The following FAM114A2 variants were observed in gnomAD, a reference collection of about 807,000 sequenced individuals.
The protein encoded by FAM114A2 is protein FAM114A2.
A neutral mutation model predicts 58.4 loss-of-function variants in FAM114A2; 53 were observed. The ratio of observed to expected loss-of-function variants is 0.91; its 90% confidence interval spans 0.73 to 1.14. FAM114A2 has a LOEUF of 1.14. FAM114A2 is among the 50% of genes most tolerant of loss of function. The pLI is 0.00. For missense variants in FAM114A2, 601 were observed against 581.1 expected (o/e 1.03, Z -0.35); for synonymous variants, 228 against 211.4 (o/e 1.08, Z -0.68).
intron 11 of FAM114A2, 97 bp downstream of exon 11, chr5:154,002,154 G>T: frequency 8.6e-7 from 1 of 1,163,642 alleles, no homozygotes; most frequent in Non-Finnish European, 1.3e-6. Context: ...GGTGTGACGT[G>T]AATGGTTTCT....
chr5:154,019,809 C>A (rs940785737), intron 8 of FAM114A2, among the ~76,000 whole-genome samples: 1 of 152,120 alleles, frequency 6.6e-6, no homozygotes, highest in Non-Finnish European at 1.5e-5. Flanking sequence ...ACAAATGGTG[C>A]TGGGATAATT....
intron 8 of FAM114A2, among the ~76,000 whole-genome samples, chr5:154,013,693 TACAA>T (rs1349046219): frequency 6.6e-6 from 1 of 152,234 alleles, no homozygotes; most frequent in East Asian, 1.9e-4. Context: ...TTAATGGCAC[TACAA>T]ACAAATAAGT....
chr5:154,015,161 G>A (rs1770955650), intron 8 of FAM114A2, among the ~76,000 whole-genome samples: 1 of 152,084 alleles, frequency 6.6e-6, no homozygotes, highest in Admixed American at 6.6e-5. Flanking sequence ...GAGAGTCTGA[G>A]CTCAGACACA....
chr5:154,026,109 A>T (rs1459896301), intron 8 of FAM114A2, among the ~76,000 whole-genome samples: 1 of 152,204 alleles, frequency 6.6e-6, no homozygotes, highest in East Asian at 1.9e-4. Context: ...ACAGCTTTCT[A>T]ACTGCAAAAA....
chr5:154,027,380 C>G, intron 6 of FAM114A2, 46 bp from the exon 7 acceptor site: 1 of 1,534,968 alleles, frequency 6.5e-7, no homozygotes. Context: ...AATGAGAGCT[C>G]AAGGGTGAGT....
chr5:154,000,372 T>G (rs1025922168), intron 11 of FAM114A2, among the ~76,000 whole-genome samples: 4 of 152,172 alleles, frequency 2.6e-5, no homozygotes, highest in Non-Finnish European at 5.9e-5. Flanking sequence ...TACCAACATA[T>G]AGACATAATA....
intron 9 of FAM114A2, among the ~76,000 whole-genome samples, chr5:154,010,807 T>C (rs562817571): frequency 5.3e-5 from 8 of 152,290 alleles, no homozygotes; most frequent in African/African-American, 1.9e-4. Context: ...CAAATAGTCA[T>C]TATCTGAGTC....
intron 8 of FAM114A2, among the ~76,000 whole-genome samples, chr5:154,011,584 G>A (rs1209611050): frequency 6.6e-6 from 1 of 152,170 alleles, no homozygotes; most frequent in Non-Finnish European, 1.5e-5. Context: ...AAGACATTAA[G>A]TGACTTCCCC....
intron 7 of FAM114A2, 121 bp from the exon 8 acceptor site, chr5:154,026,643 A>G: frequency 1.8e-6 from 1 of 563,240 alleles, no homozygotes; most frequent in Admixed American, 4.4e-5. Context: ...ATCAGCCAGC[A>G]CAAGTTATTC....
chr5:153,998,460 C>CAGTG (rs1769731276), intron 11 of FAM114A2, among the ~76,000 whole-genome samples: 1 of 152,174 alleles, frequency 6.6e-6, no homozygotes, highest in African/African-American at 2.4e-5. Context: ...TCACAGTAGT[C>CAGTG]AGTGAGTTCT....
intron 4 of FAM114A2, among the ~76,000 whole-genome samples, chr5:154,032,742 G>T (rs1011317649): frequency 6.6e-6 from 1 of 152,174 alleles, no homozygotes; most frequent in Admixed American, 6.5e-5. Flanking sequence ...ACTTGGAGTT[G>T]CAGTATTATC....
chr5:153,993,003 C>T lies in FAM114A2; in HGVS notation c.1491G>A (p.Gln497=). The change falls in exon 14 of 14, where the codon CAG becomes CAA. Residue 497 remains glutamine (Q), a synonymous_variant. Coordinates refer to ENST00000351797, the MANE Select transcript of FAM114A2 (RefSeq NM_018691.4). ...AATGTTCTAACAAAGGTTTCTGGCC[C>T]TGCAGCTCATGTCTGTGTGATTCAA... ...NKIESHRHEL[Q]GQKPLLEH 6.2e-7 allele frequency: 1 copy of T among 1,612,244 alleles called. No homozygotes were observed.
intron 9 of FAM114A2, among the ~76,000 whole-genome samples, chr5:154,010,014 T>G (rs1770584541): frequency 6.6e-6 from 1 of 152,224 alleles, no homozygotes; most frequent in African/African-American, 2.4e-5. Flanking sequence ...ATGTTAAATT[T>G]ACTGAAGTTG....
chr5:154,015,779 G>C (rs898588568), intron 8 of FAM114A2, among the ~76,000 whole-genome samples: 1 of 151,932 alleles, frequency 6.6e-6, no homozygotes, highest in African/African-American at 2.4e-5. Context: ...AGAAATCCCT[G>C]ATTCAACTGA....
Position 154,028,241 on chromosome 5 carries a change from T to C in FAM114A2, c.538A>G (p.Ile180Val), listed in dbSNP as rs778394677. The C allele has an allele frequency of 5.6e-6, 9 of 1,610,928 alleles. No homozygotes were observed. In the African/African-American group the frequency reaches 6.7e-5, roughly 12 times the overall value. ...ATCACATCCATTGTCTTTTTTCCAATGAATTCTAAGGCATCCAAACCCCCA... is the reference window on the plus strand; with the variant it reads ...ATCACATCCATTGTCTTTTTTCCAACGAATTCTAAGGCATCCAAACCCCCA... ...ISGGLDALEF[I>V]GKKTMDVIAE... The change falls in exon 6 of 14, where the codon ATT (isoleucine) becomes GTT (valine). Residue 180 changes from isoleucine (I) to valine (V), a missense_variant. Transcript: ENST00000351797.
intron 11 of FAM114A2, among the ~76,000 whole-genome samples, chr5:153,998,840 C>T (rs1212049842): frequency 6.6e-6 from 1 of 152,128 alleles, no homozygotes; most frequent in Non-Finnish European, 1.5e-5. Context: ...GACCCAAAGC[C>T]CAAGAGTTGT....
intron 9 of FAM114A2, among the ~76,000 whole-genome samples, chr5:154,007,457 A>G (rs1229924777): frequency 5.9e-5 from 9 of 152,160 alleles, no homozygotes; most frequent in East Asian, 1.9e-4. Flanking sequence ...TCTTTCCCCT[A>G]CATCACAGCC....
intron 9 of FAM114A2, among the ~76,000 whole-genome samples, chr5:154,006,513 A>AT (rs753123906): frequency 6.6e-6 from 1 of 152,206 alleles, no homozygotes; most frequent in Non-Finnish European, 1.5e-5. Flanking sequence ...GAAACAGAAT[A>AT]AAGGCCAGTA....
intron 4 of FAM114A2, among the ~76,000 whole-genome samples, chr5:154,030,003 T>C (rs1018273339): frequency 1.3e-5 from 2 of 152,154 alleles, no homozygotes. Flanking sequence ...AATACAGATA[T>C]AGGAAACATT....
Sources: gnomAD v4.1 joint callset for allele counts (sites outside exome capture counted in the v4.1 genomes callset) on GRCh38, gnomAD v4.1.1 for gene constraint, MANE v1.5 for transcripts, NCBI Gene and HGNC (gene_info 2026-07-23, HGNC 2026-07-21) for gene names.